Variants in CCDC198 observed in about 807,000 individuals in gnomAD.
The protein encoded by CCDC198 is coiled-coil domain containing 198, also known as factor associated with metabolism and energy.
In CCDC198, 18 loss-of-function variants were observed where a neutral mutation model predicts 35.6. The ratio of observed to expected loss-of-function variants is 0.51; its 90% CI spans 0.35 to 0.75. The LOEUF is 0.75. Among genes scored for constraint, CCDC198 ranks in the 30% least tolerant of loss-of-function variants. The pLI is 0.01. For synonymous variants in CCDC198, 119 were observed against 113.4 expected, an observed-to-expected ratio of 1.05 and a Z score of -0.31; for missense variants, 365 against 343.7, an observed-to-expected ratio of 1.06 and a Z score of -0.49.
chr14:57,476,586 A>G (rs2067005267), intron 5 of CCDC198, among the ~76,000 whole-genome samples: 1 of 152,252 alleles, frequency 6.6e-6, no homozygotes, highest in Non-Finnish European at 1.5e-5. Flanking sequence ...GTAATTTATT[A>G]TAGGAATGTA....
intron 5 of CCDC198, among the ~76,000 whole-genome samples, chr14:57,473,300 A>G (rs1051619228): frequency 2.0e-5 from 3 of 152,180 alleles, no homozygotes; most frequent in African/African-American, 7.2e-5. Context: ...TTCCTAAGCT[A>G]CAAAGGACGT....
chr14:57,471,658 G>A, intron 5 of CCDC198, 68 bp from the exon 6 acceptor site: 1 of 797,938 alleles, frequency 1.3e-6, no homozygotes, highest in East Asian at 2.8e-5. Flanking sequence ...TAAGTGCCTA[G>A]CTTAATAAAT....
In CCDC198 at chr14:57,471,586, A is replaced by G. The variant is rs761473877; in HGVS notation, c.660T>C (p.Asn220=). Residue 220 remains asparagine, a synonymous_variant, in exon 6 of 6, where the codon AAT becomes AAC. Coordinates refer to ENST00000216445, the MANE Select transcript of CCDC198 (RefSeq NM_018168.4). Reference sequence around the variant, plus strand: ...GTTTCAAAAATTCTGTATTCTTTGAATTTCCTACAAAAAAATTAAGTTTCT... The same window carrying G: ...GTTTCAAAAATTCTGTATTCTTTGAGTTTCCTACAAAAAAATTAAGTTTCT... ...PDEILNRGPG[N]SKNTEFLKHQ... The G allele has an allele frequency of 7.1e-6, 11 of 1,539,918 alleles. No homozygotes were observed. The highest frequency in any genetic ancestry group is 8.8e-6 in the Non-Finnish European group (10 of 1,133,424).
At chr14:57,487,621 G>T (rs952618983) in intron 2 of CCDC198, among the ~76,000 whole-genome samples, 2 of 152,170 alleles carry the variant, frequency 1.3e-5, no homozygotes, top group Non-Finnish European at 2.9e-5. Flanking sequence ...AAGCCTCTCA[G>T]CTCCAGGCTG....
intron 2 of CCDC198, among the ~76,000 whole-genome samples, chr14:57,483,591 C>G (rs1382862077): frequency 6.6e-6 from 1 of 152,160 alleles, no homozygotes; most frequent in Admixed American, 6.5e-5. Context: ...AGAGAAGCTC[C>G]TTAGTAGTAA....
chr14:57,486,298 C>T (rs907000553), intron 2 of CCDC198, among the ~76,000 whole-genome samples: 1 of 152,056 alleles, frequency 6.6e-6, no homozygotes, highest in Middle Eastern at 3.2e-3. Context: ...ATGTGAACTC[C>T]GTGGATAATT....
At chr14:57,483,754 G>A (rs577220707) in intron 2 of CCDC198, among the ~76,000 whole-genome samples, 1 of 152,150 alleles carries the variant, frequency 6.6e-6, no homozygotes, top group Non-Finnish European at 1.5e-5. Flanking sequence ...CATGTCAACC[G>A]GTCTGCCTCC....
At chr14:57,478,517 AC>A in intron 5 of CCDC198, 1 of 986,734 alleles carries the variant, frequency 1.0e-6, no homozygotes, top group Non-Finnish European at 1.2e-6. Context: ...GCAGAGGAAA[AC>A]CCCTTTCTCC....
rs926918332 is a variant in CCDC198 at position 57,469,462 on chromosome 14, C to A, written c.*1893G>T. On this transcript the variant is annotated 3_prime_UTR_variant, in exon 6 of 6. Transcript: ENST00000216445. ...TGAAATTGAATTTTAAGTCACATAA[C>A]AGAATGGTGAAGACGTGCCTTTGGC... The A allele has an allele frequency of 6.6e-6, 1 of 152,184 alleles. No individual in the cohort carries two copies. Among genetic ancestry groups the A allele is most frequent in the African/African-American group, 2.4e-5 (1 of 41,438 alleles). 9.4% of individuals were successfully genotyped at this position (152,184 alleles called of 1,614,324 possible). A position where few individuals can be genotyped will look rare whatever the true frequency, so the allele number is the denominator to read the frequency against.
At chr14:57,481,762 C>A (rs2067196110) in intron 3 of CCDC198, 102 bp from the exon 4 acceptor site, 1 of 730,978 alleles carries the variant, frequency 1.4e-6, no homozygotes, top group Admixed American at 2.3e-5. Flanking sequence ...CTTAATCAGT[C>A]ATAACCTGTA....
rs576561692 is a variant in CCDC198 at position 57,488,038 on chromosome 14, G to A, written c.306+2951C>T. 5.9e-5 allele frequency among the ~76,000 whole-genome samples: 9 copies of A among 152,200 alleles called. No homozygotes were observed. The Middle Eastern group carries it at 0.02, about 345-fold the overall frequency. On this transcript the variant is annotated intron_variant, in intron 2 of 5. Coordinates refer to ENST00000216445, the MANE Select transcript of CCDC198 (RefSeq NM_018168.4). The stretch of plus-strand genomic sequence containing the variant: ...CTCATTGGACCAGAGCTGAAATCAT[G>A]AGCAAAGCTGAGCCGATATCCTTTC...
rs2066799106 is a variant in CCDC198, at chr14:57,470,748, T to G, written c.*607A>C. 6.6e-6 allele frequency: 1 copy of G among 152,324 alleles called. No homozygotes were observed. Among genetic ancestry groups the G allele is most frequent in the African/African-American group, 2.4e-5 (1 of 41,468 alleles). 9.4% of individuals were successfully genotyped at this position (152,324 alleles called of 1,614,324 possible). ...CTTTGGCACTCATGCCCTTGTGTAG[T>G]CCTCTTCTGCATTAACTCCAAGCTG... is the stretch of plus-strand genomic sequence containing the variant. On this transcript the variant is annotated 3_prime_UTR_variant, in exon 6 of 6. Coordinates refer to ENST00000216445, the MANE Select transcript of CCDC198 (RefSeq NM_018168.4).
intron 5 of CCDC198, chr14:57,475,462 G>A (rs113349569): frequency 0.16 from 199,916 of 1,232,970 alleles, 17,652 homozygotes; most frequent in Non-Finnish European, 0.18. Flanking sequence ...GTGGCCAGGC[G>A]CGGTGGCTCA....
chr14:57,490,716 A>G (rs537560543), intron 2 of CCDC198, among the ~76,000 whole-genome samples: 1 of 152,280 alleles, frequency 6.6e-6, no homozygotes, highest in Non-Finnish European at 1.5e-5. Flanking sequence ...ATAGTCACCC[A>G]ACTAATCAGT....
chr14:57,488,520 A>G (rs1645060316), intron 2 of CCDC198, among the ~76,000 whole-genome samples: 1 of 152,088 alleles, frequency 6.6e-6, no homozygotes. Flanking sequence ...TTTACTCACA[A>G]ACCTTTGTGG....
rs566890689 is a variant in CCDC198, at chr14:57,477,071, A to T, written c.655+3524T>A. Among the ~76,000 whole-genome samples, 8 of 152,132 alleles carry T rather than the reference A, an allele frequency of 5.3e-5. 1 individual carries two copies. Among genetic ancestry groups the T allele is most frequent in the African/African-American group, 1.9e-4 (8 of 41,488 alleles). On this transcript the variant is annotated intron_variant, in intron 5 of 5. Transcript: ENST00000216445. ...TGTGACTGGACCTCTCTGGACCCAG[A>T]CTCTTCATCTGTAGAAGAGAGGTGG... is the stretch of plus-strand genomic sequence containing the variant.
intron 5 of CCDC198, among the ~76,000 whole-genome samples, chr14:57,473,271 G>A (rs1209393347): frequency 6.6e-6 from 1 of 152,088 alleles, no homozygotes; most frequent in Non-Finnish European, 1.5e-5. Context: ...CCATCTTAAC[G>A]TCTGCAGCCC....
rs1431563086 is a variant in CCDC198 at position 57,469,861 on chromosome 14, A to T, written c.*1494T>A. The stretch of plus-strand genomic sequence containing the variant: ...TCAAATTGAAGTGGTGTTTTCCTCT[A>T]TTTTTTTCTGTTTTTGGAGTCTTCC... On this transcript the variant is annotated 3_prime_UTR_variant, in exon 6 of 6. Transcript: ENST00000216445. 1 of 151,894 alleles carries T rather than the reference A, an allele frequency of 6.6e-6. No homozygotes were observed. 9.4% of individuals were successfully genotyped at this position (151,894 alleles called of 1,614,324 possible). A position where few individuals can be genotyped will look rare whatever the true frequency, so the allele number is the denominator to read the frequency against.
intron 5 of CCDC198, among the ~76,000 whole-genome samples, chr14:57,477,238 T>C (rs1310372271): frequency 1.3e-5 from 2 of 152,236 alleles, no homozygotes; most frequent in Admixed American, 1.3e-4. Context: ...CAGTGAACAC[T>C]GCAGCACAGA....
Sources: gnomAD v4.1 joint callset for allele counts (sites outside exome capture counted in the v4.1 genomes callset) on GRCh38, gnomAD v4.1.1 for gene constraint, MANE v1.5 for transcripts, NCBI Gene and HGNC (gene_info 2026-07-23, HGNC 2026-07-21) for gene names.